Variants in BPIFB4 observed in about 807,000 individuals in gnomAD.
BPIFB4 encodes the protein BPI fold-containing family B member 4.
In BPIFB4, 62 loss-of-function variants were observed where a neutral mutation model predicts 69.2. The ratio of observed to expected loss-of-function variants is 0.90; its 90% CI spans 0.73 to 1.11. The LOEUF is 1.11. Ranked by LOEUF, BPIFB4 falls within the 50% of genes least tolerant of loss-of-function variation. The probability of loss-of-function intolerance (pLI) is 0.00; values close to 1 mark genes in which losing one functional copy is unlikely to be tolerated. For synonymous variants in BPIFB4, 330 were observed against 332.7 expected (o/e 0.99, Z 0.09); for missense variants, 789 against 792.0 (o/e 1.00, Z 0.04).
rs775650591 is a variant in BPIFB4, at chr20:33,107,789, A to G, written c.1790A>G (p.Asp597Gly). 23 of 1,613,970 alleles carry G rather than the reference A, an allele frequency of 1.4e-5. No homozygotes were observed. In the South Asian group the frequency reaches 2.3e-4, roughly 16 times the overall value. The change falls in exon 17 of 18, where the codon GAC becomes GGC. Residue 597 changes from aspartate to glycine, a missense_variant. Physicochemically the swap from Asp to Gly is moderately conservative, Grantham distance 94. This residue lies in a region of BPIFB4 where 170 missense variants were observed against 193.6 expected (regional missense o/e 0.88). Coordinates refer to ENST00000375483, the MANE Select transcript of BPIFB4 (RefSeq NM_182519.3). Reference sequence around the variant, plus strand: ...CCTCTCCCCAAAATCCTCAACATCGACTTTAGCAATGCAGACATTGACGTG... The same window carrying G: ...CCTCTCCCCAAAATCCTCAACATCGGCTTTAGCAATGCAGACATTGACGTG... ...GVPLPKILNI[D>G]FSNADIDVLE...
intron 16 of BPIFB4, among the ~76,000 whole-genome samples, chr20:33,106,376 C>CTTTCTT (rs1189061487): frequency 7.7e-4 from 103 of 133,046 alleles, no homozygotes; most frequent in African/African-American, 2.0e-3. Flanking sequence ...TCTTTTCTTT[C>CTTTCTT]TTTTTTTTTT....
At chr20:33,089,204 A>G (rs1863353568) in intron 8 of BPIFB4, among the ~76,000 whole-genome samples, 175 bp downstream of exon 8, 1 of 152,208 alleles carries the variant, frequency 6.6e-6, no homozygotes, top group Non-Finnish European at 1.5e-5. Flanking sequence ...ACGAAAGGAC[A>G]GATTAGTGAA....
intron 17 of BPIFB4, among the ~76,000 whole-genome samples, chr20:33,110,393 G>A (rs1025929619): frequency 5.9e-5 from 9 of 152,232 alleles, no homozygotes; most frequent in Non-Finnish European, 1.2e-4. Flanking sequence ...AGGGGATACC[G>A]ATGTCCATGT....
chr20:33,091,532 C>T (rs1981599545), intron 10 of BPIFB4, among the ~76,000 whole-genome samples: 2 of 152,278 alleles, frequency 1.3e-5, no homozygotes, highest in African/African-American at 2.4e-5. Context: ...CCAGCAGATA[C>T]AGAGATGCAG....
rs372775889 is a variant in BPIFB4 at position 33,092,451 on chromosome 20, C to G, written c.1144-7C>G. Reference sequence around the variant, plus strand: ...CCCTGTGACCCCTTTCTTCTCTTCTCCCCCAGACGCTGGTTGGGGAGGCTG... The same window carrying G: ...CCCTGTGACCCCTTTCTTCTCTTCTGCCCCAGACGCTGGTTGGGGAGGCTG... On this transcript the variant is annotated splice_polypyrimidine_tract_variant and splice_region_variant and intron_variant, in intron 10 of 17. Coordinates refer to ENST00000375483, the MANE Select transcript of BPIFB4 (RefSeq NM_182519.3). 6.2e-7 allele frequency: 1 copy of G among 1,610,100 alleles called. No individual in the cohort carries two copies. The highest frequency in any genetic ancestry group is 1.3e-5 in the African/African-American group (1 of 74,812).
chr20:33,098,148 G>C (rs1981808414), intron 13 of BPIFB4, among the ~76,000 whole-genome samples: 1 of 152,148 alleles, frequency 6.6e-6, no homozygotes, highest in Non-Finnish European at 1.5e-5. Context: ...CTGCCACAGG[G>C]GGATGGCAGT....
chr20:33,104,787 C>G (rs1269065719), intron 15 of BPIFB4, 23 bp from the exon 16 acceptor site: 1 of 1,613,330 alleles, frequency 6.2e-7, no homozygotes, highest in Middle Eastern at 1.7e-4. Context: ...TGCCCAGGCT[C>G]TGTCCTCCTT....
In BPIFB4 at chr20:33,107,771, C is replaced by G; in HGVS notation, c.1772C>G (p.Pro591Arg). 1 of 1,614,156 alleles carries G rather than the reference C, an allele frequency of 6.2e-7. No homozygotes were observed. Among genetic ancestry groups the G allele is most frequent in the East Asian group, 2.2e-5 (1 of 44,890 alleles). ...GTGCTGGGTTCTGGCGTCCCTCTCC[C>G]CAAAATCCTCAACATCGACTTTAGC... ...NAVLGSGVPL[P>R]KILNIDFSNA... The change falls in exon 17 of 18, where the codon CCC becomes CGC. Residue 591 changes from proline (P) to arginine (R), a missense_variant. This residue lies in a region of BPIFB4 where 170 missense variants were observed against 193.6 expected (regional missense o/e 0.88). Coordinates refer to ENST00000375483, the MANE Select transcript of BPIFB4 (RefSeq NM_182519.3).
intron 6 of BPIFB4, among the ~76,000 whole-genome samples, chr20:33,085,610 C>A (rs936600013): frequency 3.9e-5 from 6 of 152,196 alleles, no homozygotes; most frequent in Non-Finnish European, 8.8e-5. Context: ...AGGTCACCCC[C>A]TTTTCCAGGT....
intron 11 of BPIFB4, among the ~76,000 whole-genome samples, chr20:33,093,936 GTCTGTCTC>G (rs555772916): frequency 9.2e-4 from 140 of 152,254 alleles, no homozygotes; most frequent in African/African-American, 3.2e-3. Flanking sequence ...TGATCTGTCT[GTCTGTCTC>G]TCTGTCTGTC....
intron 16 of BPIFB4, among the ~76,000 whole-genome samples, chr20:33,106,691 G>A (rs1982067363): frequency 6.6e-6 from 1 of 152,148 alleles, no homozygotes; most frequent in Non-Finnish European, 1.5e-5. Context: ...GACAGATACA[G>A]AAACAGATAA....
chr20:33,085,220 C>T (rs1342334153), intron 6 of BPIFB4, among the ~76,000 whole-genome samples: 1 of 152,048 alleles, frequency 6.6e-6, no homozygotes. Context: ...TTTGGGAAGC[C>T]GAGGCAGGCA....
intron 11 of BPIFB4, 25 bp from the exon 12 acceptor site, chr20:33,095,075 C>G (rs201711959): frequency 1.9e-6 from 3 of 1,594,160 alleles, no homozygotes; most frequent in Non-Finnish European, 2.6e-6. Flanking sequence ...CCAGGATTCA[C>G]GTGGCCCTTC....
chr20:33,092,525 A>C lies in BPIFB4; in HGVS notation c.1211A>C (p.Lys404Thr). The part of the protein sequence containing the change: ...YPLGWPAVSP[K>T]PMPELPPMGD... ...TTGGGGTGGCCAGCTGTGTCTCCCA[A>C]GCCGATGCCAGAGCTGCCTCCCATG... The change falls in exon 11 of 18, where the codon AAG becomes ACG. Residue 404 changes from lysine (K) to threonine (T), a missense_variant. Lys to Thr is a moderately conservative substitution (Grantham distance 78). Around this residue, in one of 3 missense-constraint regions of BPIFB4, gnomAD observed 611 missense variants for 575.4 expected, o/e 1.06. Coordinates refer to ENST00000375483, the MANE Select transcript of BPIFB4 (RefSeq NM_182519.3). 6.2e-7 allele frequency: 1 copy of C among 1,614,156 alleles called. No individual in the cohort carries two copies. The highest frequency in any genetic ancestry group is 8.5e-7 in the Non-Finnish European group (1 of 1,180,024).
intron 16 of BPIFB4, among the ~76,000 whole-genome samples, chr20:33,107,221 A>AAG (rs1568589305): frequency 0.011 from 1,605 of 142,496 alleles, 28 homozygotes; most frequent in African/African-American, 0.037. Flanking sequence ...AATGAAAGAA[A>AAG]GAAGGAAGGA....
rs190710091 is a variant in BPIFB4 at position 33,099,639 on chromosome 20, A to G, written c.1570-787A>G. On this transcript the variant is annotated intron_variant, in intron 13 of 17. Coordinates refer to ENST00000375483, the MANE Select transcript of BPIFB4 (RefSeq NM_182519.3). ...CCTGGCCTTTGCCCATGCCCTCCCC[A>G]CTGCCTGGATTACTCTCCCACCCTC... 4.9e-4 allele frequency among the ~76,000 whole-genome samples: 74 copies of G among 151,504 alleles called. 1 individual carries two copies. The highest frequency in any genetic ancestry group is 1.5e-3 in the South Asian group (7 of 4,762).
intron 17 of BPIFB4, 147 bp downstream of exon 17, chr20:33,107,967 G>A: frequency 1.4e-6 from 1 of 696,588 alleles, no homozygotes; most frequent in South Asian, 1.7e-5. Context: ...CAAGCATGGG[G>A]CTGAGGGAAC....
At chr20:33,108,421 G>GTATATATATATATA (rs1982135786) in intron 17 of BPIFB4, among the ~76,000 whole-genome samples, 1 of 44,670 alleles carries the variant, frequency 2.2e-5, no homozygotes, top group Non-Finnish European at 5.2e-5. Flanking sequence ...ATATATATAT[G>GTATATATATATATA]TCTATATATA....
rs1156301839 is a variant in BPIFB4, at chr20:33,111,747, C to T, written c.*310C>T. ...CTTTCAATAAAAGACTCCACTTTCC[C>T]GGCACTTGTGACGAGTTTCCATGAA... On this transcript the variant is annotated 3_prime_UTR_variant, in exon 18 of 18. Transcript: ENST00000375483. 1.4e-5 allele frequency: 5 copies of T among 355,466 alleles called. No individual in the cohort carries two copies. The highest frequency in any genetic ancestry group is 4.5e-5 in the East Asian group (1 of 22,444). 22.0% of individuals were successfully genotyped at this position (355,466 alleles called of 1,614,324 possible). A position where few individuals can be genotyped will look rare whatever the true frequency, so the allele number is the denominator to read the frequency against.
Sources: allele counts gnomAD v4.1 joint callset (sites outside exome capture counted in the v4.1 genomes callset), GRCh38; gene constraint gnomAD v4.1.1; regional missense constraint gnomAD v4.1.1; transcripts MANE v1.5; gene names NCBI Gene and HGNC (gene_info 2026-07-23, HGNC 2026-07-21).